The following HS3ST4 variants were observed in gnomAD, a reference collection of about 807,000 sequenced individuals.
The protein encoded by HS3ST4 is heparan sulfate-glucosamine 3-sulfotransferase 4.
In HS3ST4, 17 loss-of-function variants were observed where a neutral mutation model predicts 29.2. The observed-to-expected ratio is 0.58, with a 90% confidence interval of 0.40 to 0.87. The LOEUF is 0.87. HS3ST4 is among the 40% of genes least tolerant of loss of function. HS3ST4 has a pLI of 0.00. For synonymous variants in HS3ST4, 314 were observed against 285.7 expected (o/e 1.10, Z -1.00); for missense variants, 627 against 634.5 (o/e 0.99, Z 0.13).
chr16:25,837,429 T>C (rs558079181), intron 1 of HS3ST4, among the ~76,000 whole-genome samples: 1 of 152,308 alleles, frequency 6.6e-6, no homozygotes, highest in Non-Finnish European at 1.5e-5. Context: ...CAGGAACTCT[T>C]AAGGAATGAA....
At chr16:25,735,281 C>T (rs892232027) in intron 1 of HS3ST4, among the ~76,000 whole-genome samples, 23 of 152,182 alleles carry the variant, frequency 1.5e-4, no homozygotes, top group African/African-American at 5.3e-4. Flanking sequence ...TAGCATCATC[C>T]AGAAGCTTCA....
At chr16:25,985,630 C>T (rs1272888551) in intron 1 of HS3ST4, among the ~76,000 whole-genome samples, 1 of 152,016 alleles carries the variant, frequency 6.6e-6, no homozygotes, top group Non-Finnish European at 1.5e-5. Context: ...AAATTTACTA[C>T]TTATTTTACT....
At chr16:25,817,483 T>C (rs568784716) in intron 1 of HS3ST4, among the ~76,000 whole-genome samples, 1 of 152,222 alleles carries the variant, frequency 6.6e-6, no homozygotes, top group Non-Finnish European at 1.5e-5. Context: ...TATGTCTGTG[T>C]TCTAATAAAA....
At chr16:25,922,135 CTGTT>C (rs906303162) in intron 1 of HS3ST4, among the ~76,000 whole-genome samples, 2 of 152,158 alleles carry the variant, frequency 1.3e-5, no homozygotes, top group African/African-American at 4.8e-5. Flanking sequence ...ACTGCCTTCT[CTGTT>C]TGTGTCTTTT....
chr16:26,054,235 C>T (rs1898379182), intron 1 of HS3ST4, among the ~76,000 whole-genome samples: 1 of 146,644 alleles, frequency 6.8e-6, no homozygotes, highest in Non-Finnish European at 1.5e-5. Flanking sequence ...TGTATCCTCA[C>T]TTCCATGAGA....
At chr16:26,069,029 G>A (rs1234980733) in intron 1 of HS3ST4, among the ~76,000 whole-genome samples, 1 of 152,218 alleles carries the variant, frequency 6.6e-6, no homozygotes, top group Non-Finnish European at 1.5e-5. Context: ...ACAACTCACT[G>A]CAGCCTCAAC....
At chr16:25,811,086 CA>C in intron 1 of HS3ST4, among the ~76,000 whole-genome samples, 1 of 152,212 alleles carries the variant, frequency 6.6e-6, no homozygotes, top group East Asian at 1.9e-4. Flanking sequence ...TAAAAAACAA[CA>C]AAAAATTGGT....
At chr16:26,133,547 C>A (rs886235993) in intron 1 of HS3ST4, among the ~76,000 whole-genome samples, 8 of 152,132 alleles carry the variant, frequency 5.3e-5, no homozygotes, top group African/African-American at 1.9e-4. Context: ...ATGGCCAGGG[C>A]TATTGCTTTG....
At chr16:26,016,006 C>T (rs557982207) in intron 1 of HS3ST4, among the ~76,000 whole-genome samples, 1 of 152,218 alleles carries the variant, frequency 6.6e-6, no homozygotes, top group East Asian at 1.9e-4. Flanking sequence ...TTATACAATG[C>T]ACAAGGCAGC....
chr16:25,726,528 G>C (rs529198150), intron 1 of HS3ST4, among the ~76,000 whole-genome samples: 16 of 152,268 alleles, frequency 1.1e-4, no homozygotes, highest in African/African-American at 3.6e-4. Context: ...GGGTTAAAGG[G>C]TGAGCAGTCA....
chr16:26,048,800 T>G (rs780415057), intron 1 of HS3ST4, among the ~76,000 whole-genome samples: 55 of 152,274 alleles, frequency 3.6e-4, no homozygotes, highest in Non-Finnish European at 6.0e-4. Context: ...ACCACTACAC[T>G]CTAGCCTGGG....
intron 1 of HS3ST4, among the ~76,000 whole-genome samples, chr16:25,714,794 G>A (rs1966440928): frequency 6.6e-6 from 1 of 152,204 alleles, no homozygotes; most frequent in South Asian, 2.1e-4. Context: ...GTTGGGTCAT[G>A]CTTTATTTAA....
chr16:26,056,810 G>A (rs1382546267), intron 1 of HS3ST4, among the ~76,000 whole-genome samples: 1 of 152,146 alleles, frequency 6.6e-6, no homozygotes, highest in Non-Finnish European at 1.5e-5. Context: ...CATACACTCA[G>A]CTCAGCATTC....
chr16:26,049,689 A>T (rs1309933434), intron 1 of HS3ST4, among the ~76,000 whole-genome samples: 1 of 152,150 alleles, frequency 6.6e-6, no homozygotes, highest in Non-Finnish European at 1.5e-5. Context: ...ACCTGGAGAT[A>T]GCGTCAGATT....
At chr16:26,127,657 G>C (rs776701238) in intron 1 of HS3ST4, among the ~76,000 whole-genome samples, 1 of 152,098 alleles carries the variant, frequency 6.6e-6, no homozygotes, top group Non-Finnish European at 1.5e-5. Flanking sequence ...TGCCACATAC[G>C]AGCTGTGTGA....
chr16:26,127,483 A>T (rs1899360235), intron 1 of HS3ST4, among the ~76,000 whole-genome samples: 1 of 152,198 alleles, frequency 6.6e-6, no homozygotes, highest in Non-Finnish European at 1.5e-5. Flanking sequence ...GTTACCAGGG[A>T]TTCTTTCCCC....
At chr16:26,066,823 A>G (rs1898548488) in intron 1 of HS3ST4, among the ~76,000 whole-genome samples, 1 of 152,266 alleles carries the variant, frequency 6.6e-6, no homozygotes, top group Non-Finnish European at 1.5e-5. Context: ...GACCAAAGGA[A>G]GGAGATCCCT....
At chr16:26,126,003 A>G (rs1234835499) in intron 1 of HS3ST4, among the ~76,000 whole-genome samples, 1 of 152,196 alleles carries the variant, frequency 6.6e-6, no homozygotes, top group Non-Finnish European at 1.5e-5. Flanking sequence ...TTTAAGAAAG[A>G]TTCTTATGTT....
At chr16:25,913,760 GTGTA>G (rs1035977549) in intron 1 of HS3ST4, among the ~76,000 whole-genome samples, 9 of 152,088 alleles carry the variant, frequency 5.9e-5, no homozygotes, top group African/African-American at 2.2e-4. Flanking sequence ...AGATGTGTGT[GTGTA>G]TGTGTGGGGT....
Sources: allele counts gnomAD v4.1 joint callset (sites outside exome capture counted in the v4.1 genomes callset), GRCh38; gene constraint gnomAD v4.1.1; transcripts MANE v1.5; gene names NCBI Gene and HGNC (gene_info 2026-07-23, HGNC 2026-07-21).